The following FOXN3 variants were observed in gnomAD, a reference collection of about 807,000 sequenced individuals.
The protein encoded by FOXN3 is forkhead box protein N3.
In FOXN3, 7 loss-of-function variants were observed where a neutral mutation model predicts 38.4. The observed-to-expected ratio is 0.18, with a 90% CI of 0.10 to 0.34. FOXN3 has a LOEUF of 0.34. Among genes scored for constraint, FOXN3 ranks in the 10% least tolerant of loss-of-function variants. The pLI is 1.00. For synonymous variants in FOXN3, 230 were observed against 242.2 expected (o/e 0.95, Z 0.47); for missense variants, 456 against 613.4 (o/e 0.74, Z 2.71).
chr14:89,248,550 C>T (rs1885362326), intron 4 of FOXN3, among the ~76,000 whole-genome samples: 1 of 152,198 alleles, frequency 6.6e-6, no homozygotes, highest in Admixed American at 6.5e-5. Context: ...AAATGATGCC[C>T]TGGGGGGAAA....
chr14:89,230,416 A>C (rs984448371), intron 4 of FOXN3, among the ~76,000 whole-genome samples: 1 of 152,148 alleles, frequency 6.6e-6, no homozygotes, highest in Non-Finnish European at 1.5e-5. Flanking sequence ...ATGGAATTCC[A>C]GCTAAAGCAC....
At chr14:89,352,537 G>A (rs967524920) in intron 2 of FOXN3, among the ~76,000 whole-genome samples, 5 of 152,174 alleles carry the variant, frequency 3.3e-5, no homozygotes, top group African/African-American at 1.2e-4. Flanking sequence ...TTCCATCAAA[G>A]GCTCCCGGTG....
intron 3 of FOXN3, among the ~76,000 whole-genome samples, chr14:89,304,454 G>A (rs1414831662): frequency 1.3e-5 from 2 of 152,170 alleles, no homozygotes; most frequent in Non-Finnish European, 2.9e-5. Flanking sequence ...GTGGGGGCAG[G>A]AGAGGCGGCA....
chr14:89,562,804 G>A (rs1231822953), intron 1 of FOXN3, among the ~76,000 whole-genome samples: 2 of 152,190 alleles, frequency 1.3e-5, no homozygotes, highest in Non-Finnish European at 2.9e-5. Flanking sequence ...AAATGAATTT[G>A]TGCCACTTTT....
intron 4 of FOXN3, among the ~76,000 whole-genome samples, chr14:89,209,954 C>T (rs1262577765): frequency 1.3e-5 from 2 of 152,182 alleles, no homozygotes; most frequent in Admixed American, 6.5e-5. Context: ...GGAAATTCTT[C>T]ATGTTTTACA....
At chr14:89,479,530 G>A (rs539450574) in intron 1 of FOXN3, among the ~76,000 whole-genome samples, 12 of 152,108 alleles carry the variant, frequency 7.9e-5, no homozygotes, top group East Asian at 1.9e-4. Flanking sequence ...TGTGATGAAC[G>A]CTGGTGTGAA....
At chr14:89,208,077 G>C (rs2139827837) in intron 4 of FOXN3, among the ~76,000 whole-genome samples, 1 of 152,312 alleles carries the variant, frequency 6.6e-6, no homozygotes, top group East Asian at 1.9e-4. Flanking sequence ...CTTTCAGGCA[G>C]GGAGTGCCAT....
At chr14:89,232,684 T>A (rs1469624112) in intron 4 of FOXN3, among the ~76,000 whole-genome samples, 1 of 152,166 alleles carries the variant, frequency 6.6e-6, no homozygotes, top group Non-Finnish European at 1.5e-5. Context: ...TCCACAGCCC[T>A]GGATGGAGCA....
At chr14:89,368,902 G>A (rs1258244341) in intron 2 of FOXN3, among the ~76,000 whole-genome samples, 6 of 152,132 alleles carry the variant, frequency 3.9e-5, no homozygotes, top group South Asian at 2.1e-4. Flanking sequence ...GAGAAACTCC[G>A]CCAGGGGTTA....
chr14:89,163,726 G>A lies in FOXN3; in HGVS notation c.852-757C>T, dbSNP rs1321254533. 6.6e-6 allele frequency among the ~76,000 whole-genome samples: 1 copy of A among 152,166 alleles called. No homozygotes were observed. The highest frequency in any genetic ancestry group is 1.9e-4 in the East Asian group (1 of 5,194). ...TGTGCAGAGGACCATGTTTAACTCC[G>A]TAAGGTGGATATTAGCATCCTTATT... On this transcript the variant is annotated intron_variant, in intron 5 of 5. Transcript: ENST00000557258. This position sits in a 1 kb window ranked among gnomAD's most constrained non-coding sequence, Gnocchi z 4.3.
intron 1 of FOXN3, among the ~76,000 whole-genome samples, chr14:89,463,390 C>T (rs78101177): frequency 0.044 from 6,748 of 152,192 alleles, 230 homozygotes; most frequent in Non-Finnish European, 0.066. Context: ...TTCAATGTTA[C>T]CTCATTGGGG....
rs557886351 is a variant in FOXN3, at chr14:89,573,181, C to T, written c.-15+45847G>A. ...TGAGAAGCGATAAGTGATCCAGCCCCGATTAGATCAGCCGCCGTGGGAAAG... is the reference window on the plus strand; with the variant it reads ...TGAGAAGCGATAAGTGATCCAGCCCTGATTAGATCAGCCGCCGTGGGAAAG... On this transcript the variant is annotated intron_variant, in intron 1 of 6. Coordinates refer to the FOXN3 transcript ENST00000345097. Among the ~76,000 whole-genome samples, 62 of 152,224 alleles carry T rather than the reference C, an allele frequency of 4.1e-4. No individual in the cohort carries two copies. The South Asian group carries it at 6.0e-3, about 15-fold the overall frequency.
intron 4 of FOXN3, among the ~76,000 whole-genome samples, chr14:89,206,637 G>A (rs1481385125): frequency 6.6e-6 from 1 of 152,070 alleles, no homozygotes; most frequent in Non-Finnish European, 1.5e-5. Context: ...AACTGGGTTC[G>A]TTCCGTACCA....
intron 2 of FOXN3, among the ~76,000 whole-genome samples, chr14:89,367,369 C>T (rs1890190052): frequency 6.6e-6 from 1 of 152,202 alleles, no homozygotes; most frequent in East Asian, 1.9e-4. Flanking sequence ...CCTGATGTGG[C>T]GGCACCCGGC....
chr14:89,537,762 C>A (rs775940758), intron 1 of FOXN3, among the ~76,000 whole-genome samples: 1 of 152,106 alleles, frequency 6.6e-6, no homozygotes, highest in Non-Finnish European at 1.5e-5. Flanking sequence ...TTGTTAAGAA[C>A]AAACAAACAA....
intron 4 of FOXN3, among the ~76,000 whole-genome samples, chr14:89,226,118 G>A (rs1168326403): frequency 2.6e-5 from 3 of 116,000 alleles, no homozygotes; most frequent in Non-Finnish European, 5.0e-5. Flanking sequence ...GGGGGCGGGG[G>A]GAGGGGAGGG....
intron 1 of FOXN3, among the ~76,000 whole-genome samples, chr14:89,446,457 G>A (rs1415890049): frequency 6.6e-6 from 1 of 152,076 alleles, no homozygotes; most frequent in African/African-American, 2.4e-5. Flanking sequence ...CCAAAATGCT[G>A]AGATTACAGG....
At chr14:89,533,952 C>T (rs1894630073) in intron 1 of FOXN3, among the ~76,000 whole-genome samples, 1 of 152,054 alleles carries the variant, frequency 6.6e-6, no homozygotes, top group South Asian at 2.1e-4. Context: ...TTTATAGCAG[C>T]AAATCAGGGT....
rs372050120 is a variant in FOXN3, at chr14:89,469,220, C to T, written c.-14-56730G>A. Among the ~76,000 whole-genome samples the T allele has an allele frequency of 1.8e-3, 281 of 152,292 alleles. 2 individuals carry two copies. The highest frequency in any genetic ancestry group is 6.5e-3 in the African/African-American group (272 of 41,562). ...ACAGACAAGCCTGAGGTCAGAACAC[C>T]TGTCGGGGATCACCCTAAGATGCCC... On this transcript the variant is annotated intron_variant, in intron 1 of 6. Transcript: ENST00000345097.
Sources: gnomAD v4.1 joint callset for allele counts (sites outside exome capture counted in the v4.1 genomes callset) on GRCh38, gnomAD v4.1.1 for gene constraint, Gnocchi (gnomAD v3.1) non-coding constraint, MANE v1.5 for transcripts, NCBI Gene and HGNC (gene_info 2026-07-23, HGNC 2026-07-21) for gene names.